The following PPP2R2B variants were observed in gnomAD, a reference collection of about 807,000 sequenced individuals.
PPP2R2B encodes the protein serine/threonine-protein phosphatase 2A 55 kDa regulatory subunit B beta isoform.
A neutral mutation model predicts 46.0 loss-of-function variants in PPP2R2B; 5 were observed. That is an observed-to-expected ratio of 0.11 (90% confidence interval 0.06 to 0.23). The LOEUF (loss-of-function observed/expected upper bound fraction) is 0.23, where lower values mean the gene tolerates loss of function less well. Ranked by LOEUF, PPP2R2B falls within the 10% of genes least tolerant of loss-of-function variation. The pLI is 1.00. For missense variants in PPP2R2B, 367 were observed against 575.0 expected, an observed-to-expected ratio of 0.64 and a Z score of 3.70; for synonymous variants, 215 against 206.7, an observed-to-expected ratio of 1.04 and a Z score of -0.34.
chr5:146,698,194 T>C (rs1158647128), intron 3 of PPP2R2B, 50 bp from the exon 4 acceptor site: 1 of 1,475,996 alleles, frequency 6.8e-7, no homozygotes. Flanking sequence ...AGTAGCCAAC[T>C]GTAAAACTCG....
chr5:146,915,658 C>T (rs1203465155), intron 1 of PPP2R2B, among the ~76,000 whole-genome samples: 6 of 152,120 alleles, frequency 3.9e-5, no homozygotes, highest in Admixed American at 6.5e-5. Context: ...ATTTCCTTAA[C>T]GACTGACTCA....
At chr5:147,012,494 G>T (rs559241069) in intron 1 of PPP2R2B, among the ~76,000 whole-genome samples, 28 of 152,056 alleles carry the variant, frequency 1.8e-4, no homozygotes, top group African/African-American at 6.3e-4. Context: ...TCTTGCTAGT[G>T]GTTTATCAAT....
chr5:147,074,717 T>C (rs1279519584), intron 2 of PPP2R2B, among the ~76,000 whole-genome samples: 2 of 152,328 alleles, frequency 1.3e-5, no homozygotes, highest in South Asian at 2.1e-4. Flanking sequence ...ATGTTATAGT[T>C]AGAGGATTCC....
At chr5:146,601,404 C>G (rs1459661327) in intron 7 of PPP2R2B, among the ~76,000 whole-genome samples, 1 of 152,094 alleles carries the variant, frequency 6.6e-6, no homozygotes, top group African/African-American at 2.4e-5. Flanking sequence ...CAAGACCAGC[C>G]TGGATAACAT....
chr5:146,602,260 C>A (rs941403381), intron 7 of PPP2R2B, among the ~76,000 whole-genome samples: 1 of 152,146 alleles, frequency 6.6e-6, no homozygotes, highest in African/African-American at 2.4e-5. Flanking sequence ...ATCTCTTCAA[C>A]TAGGACATAA....
intron 7 of PPP2R2B, among the ~76,000 whole-genome samples, chr5:146,613,731 G>A (rs1272647471): frequency 7.3e-6 from 1 of 136,056 alleles, no homozygotes; most frequent in Non-Finnish European, 1.5e-5. Context: ...GCCAAATCAT[G>A]AGTGAACTCC....
At position 146,925,286 on chromosome 5, in the gene PPP2R2B, G is replaced by A. The variant is rs528618382; in HGVS notation, c.79+130379C>T. Among the ~76,000 whole-genome samples, 35 of 152,158 alleles carry A rather than the reference G, an allele frequency of 2.3e-4. 1 individual carries two copies. In the East Asian group the frequency reaches 4.1e-3, roughly 18 times the overall value. ...TGTGCTATCATAGAGTACCATTTCC[G>A]GAAGGCCTTCCTTCCTTTGGTACAT... is the stretch of plus-strand genomic sequence containing the variant. On this transcript the variant is annotated intron_variant, in intron 1 of 8. Transcript: ENST00000336640.
At chr5:146,600,920 C>T (rs1371178458) in intron 7 of PPP2R2B, among the ~76,000 whole-genome samples, 1 of 152,140 alleles carries the variant, frequency 6.6e-6, no homozygotes. Context: ...TTTACCTCCC[C>T]CCAAAAACTC....
chr5:146,665,251 C>T (rs1443545765), intron 5 of PPP2R2B, among the ~76,000 whole-genome samples: 1 of 152,212 alleles, frequency 6.6e-6, no homozygotes, highest in Non-Finnish European at 1.5e-5. Flanking sequence ...GCTCTCTTGT[C>T]TACACTGAAG....
At chr5:146,593,168 G>A in intron 8 of PPP2R2B, 106 bp from the exon 9 acceptor site, 1 of 995,968 alleles carries the variant, frequency 1.0e-6, no homozygotes, top group Non-Finnish European at 1.6e-6. Context: ...CATTGTACAT[G>A]CTCTTTGAAT....
At chr5:146,762,812 C>A (rs1033305435) in intron 2 of PPP2R2B, among the ~76,000 whole-genome samples, 1 of 152,208 alleles carries the variant, frequency 6.6e-6, no homozygotes, top group African/African-American at 2.4e-5. Flanking sequence ...GCTGTGGATT[C>A]ATAGAAGGCC....
intron 9 of PPP2R2B, among the ~76,000 whole-genome samples, chr5:146,591,708 GA>G (rs1770683818): frequency 6.7e-6 from 1 of 149,914 alleles, no homozygotes; most frequent in Admixed American, 6.7e-5. Flanking sequence ...AACCTTATCT[GA>G]AAGAGAAATT....
intron 2 of PPP2R2B, among the ~76,000 whole-genome samples, chr5:146,855,637 G>C (rs974635935): frequency 6.6e-6 from 1 of 152,000 alleles, no homozygotes; most frequent in Non-Finnish European, 1.5e-5. Flanking sequence ...CTTCTCTTCT[G>C]AATGTTGTAC....
intron 2 of PPP2R2B, among the ~76,000 whole-genome samples, chr5:147,063,666 G>A (rs747396125): frequency 4.6e-5 from 7 of 152,124 alleles, no homozygotes; most frequent in African/African-American, 1.7e-4. Context: ...ATTATGAAGA[G>A]GAACCAATAT....
chr5:146,906,622 T>C (rs1233245286), intron 1 of PPP2R2B, among the ~76,000 whole-genome samples: 1 of 152,146 alleles, frequency 6.6e-6, no homozygotes, highest in Non-Finnish European at 1.5e-5. Context: ...GCACCTGGCC[T>C]TTTTCTTTTA....
chr5:147,005,925 A>G (rs183949610), intron 1 of PPP2R2B, among the ~76,000 whole-genome samples: 4 of 152,342 alleles, frequency 2.6e-5, no homozygotes, highest in South Asian at 2.1e-4. Flanking sequence ...CTGTAACCCT[A>G]TAACACTTCA....
At chr5:146,895,628 T>C (rs1384932151) in intron 1 of PPP2R2B, among the ~76,000 whole-genome samples, 1 of 152,222 alleles carries the variant, frequency 6.6e-6, no homozygotes, top group Non-Finnish European at 1.5e-5. Context: ...CTATAACTGA[T>C]TTCTTTCCCC....
intron 2 of PPP2R2B, among the ~76,000 whole-genome samples, chr5:146,774,338 T>G (rs1041288724): frequency 2.0e-5 from 3 of 152,200 alleles, no homozygotes; most frequent in Non-Finnish European, 4.4e-5. Flanking sequence ...AATGTGTTTT[T>G]GTCTTAAACT....
At chr5:146,819,721 A>G (rs1758145276) in intron 2 of PPP2R2B, among the ~76,000 whole-genome samples, 1 of 152,178 alleles carries the variant, frequency 6.6e-6, no homozygotes, top group African/African-American at 2.4e-5. Context: ...TTTGTCAAAA[A>G]TTAAAAATAG....
Sources: allele counts gnomAD v4.1 joint callset (sites outside exome capture counted in the v4.1 genomes callset), GRCh38; gene constraint gnomAD v4.1.1; transcripts MANE v1.5; gene names NCBI Gene and HGNC (gene_info 2026-07-23, HGNC 2026-07-21).